The following NDC1 variants were observed in gnomAD, a reference collection of about 807,000 sequenced individuals.
The protein encoded by NDC1 is NDC1 transmembrane nucleoporin, also known as nucleoporin NDC1.
In NDC1, 24 loss-of-function variants were observed where a neutral mutation model predicts 89.8. The observed-to-expected ratio is 0.27, with a 90% CI of 0.19 to 0.38. The LOEUF is 0.38. Among genes scored for constraint, NDC1 ranks in the 10% least tolerant of loss-of-function variants. The probability of loss-of-function intolerance (pLI) is 1.00; values close to 1 mark genes in which losing one functional copy is unlikely to be tolerated. For synonymous variants in NDC1, 296 were observed against 284.8 expected (o/e 1.04, Z -0.39); for missense variants, 728 against 797.6 (o/e 0.91, Z 1.05).
chr1:53,833,997 G>A (rs1260453864), intron 2 of NDC1, among the ~76,000 whole-genome samples: 2 of 151,726 alleles, frequency 1.3e-5, no homozygotes, highest in Non-Finnish European at 2.9e-5. Flanking sequence ...CACCCAGGCT[G>A]GTCATAAACT....
At chr1:53,819,852 CA>C (rs1390573856) in intron 5 of NDC1, among the ~76,000 whole-genome samples, 1 of 152,018 alleles carries the variant, frequency 6.6e-6, no homozygotes, top group Non-Finnish European at 1.5e-5. Context: ...TGATCTAAGA[CA>C]GGGGTGCCTT....
intron 5 of NDC1, among the ~76,000 whole-genome samples, chr1:53,822,643 C>G (rs1648711833): frequency 6.6e-6 from 1 of 151,166 alleles, no homozygotes; most frequent in Admixed American, 6.6e-5. Context: ...ATGGGATGGT[C>G]AAGGAAACAT....
intron 13 of NDC1, among the ~76,000 whole-genome samples, chr1:53,794,725 A>G (rs973359031): frequency 6.6e-6 from 1 of 152,116 alleles, no homozygotes; most frequent in Non-Finnish European, 1.5e-5. Context: ...AATTAAAAAA[A>G]TTAGGCAGGC....
chr1:53,792,951 C>G (rs1344771694), intron 14 of NDC1, among the ~76,000 whole-genome samples: 1 of 152,236 alleles, frequency 6.6e-6, no homozygotes, highest in Non-Finnish European at 1.5e-5. Flanking sequence ...AAGATCCAGA[C>G]AGCAGGAAGG....
At chr1:53,835,682 T>A in intron 1 of NDC1, 62 bp from the exon 2 acceptor site, 1 of 1,440,142 alleles carries the variant, frequency 6.9e-7, no homozygotes, top group Non-Finnish European at 9.5e-7. Context: ...GTTATGCAAA[T>A]CCTATCTTTT....
chr1:53,828,321 G>C, intron 3 of NDC1, 148 bp from the exon 4 acceptor site: 1 of 688,696 alleles, frequency 1.5e-6, no homozygotes, highest in East Asian at 3.2e-5. Context: ...AAAATTTAAA[G>C]TTAAAAATTC....
chr1:53,806,310 G>A (rs1648106911), intron 9 of NDC1, 115 bp downstream of exon 9: 2 of 617,298 alleles, frequency 3.2e-6, no homozygotes, highest in Admixed American at 4.0e-5. Context: ...TATCATACCA[G>A]TACAAGAATA....
At chr1:53,801,635 T>G (rs1318361999) in intron 10 of NDC1, among the ~76,000 whole-genome samples, 2 of 152,146 alleles carry the variant, frequency 1.3e-5, no homozygotes, top group East Asian at 3.9e-4. Context: ...CTCCCCCCAT[T>G]GTAAAACTCA....
chr1:53,814,985 G>A (rs1648431575), intron 6 of NDC1, among the ~76,000 whole-genome samples: 1 of 152,068 alleles, frequency 6.6e-6, no homozygotes, highest in South Asian at 2.1e-4. Flanking sequence ...ACAAAAAAAA[G>A]TCCAGGACCA....
intron 3 of NDC1, among the ~76,000 whole-genome samples, chr1:53,828,524 T>C (rs903522523): frequency 3.9e-5 from 6 of 152,028 alleles, no homozygotes; most frequent in African/African-American, 1.4e-4. Flanking sequence ...TATGGACTAC[T>C]GTAATGGTCT....
rs559845576 is a variant in NDC1 at position 53,800,596 on chromosome 1, A to G, written c.1222+97T>C. On this transcript the variant is annotated intron_variant, in intron 11 of 17. Transcript: ENST00000371429. ...CACCTCGGCCTCCCAAAGTGCGGGGATAACAGGCGTGAGCCACAGCGCCCA... is the reference window on the plus strand; with the variant it reads ...CACCTCGGCCTCCCAAAGTGCGGGGGTAACAGGCGTGAGCCACAGCGCCCA... 7.5e-5 allele frequency: 103 copies of G among 1,366,548 alleles called. 1 individual carries two copies. In the South Asian group the frequency reaches 1.1e-3, roughly 14 times the overall value. 84.7% of individuals were successfully genotyped at this position (1,366,548 alleles called of 1,614,324 possible).
chr1:53,773,830 T>G (rs1393762252), intron 16 of NDC1, among the ~76,000 whole-genome samples: 2 of 152,180 alleles, frequency 1.3e-5, no homozygotes, highest in Admixed American at 6.5e-5. Flanking sequence ...TCCCCCAGAC[T>G]GGGTGTTCTA....
chr1:53,826,715 G>A (rs1443895113), intron 4 of NDC1, among the ~76,000 whole-genome samples: 1 of 152,104 alleles, frequency 6.6e-6, no homozygotes, highest in African/African-American at 2.4e-5. Flanking sequence ...GGGGTATACA[G>A]AGCCAACATC....
Position 53,788,688 on chromosome 1 carries a change from A to C in NDC1, c.1699+445T>G, listed in dbSNP as rs553969257. On this transcript the variant is annotated intron_variant, in intron 15 of 17. Coordinates refer to ENST00000371429, the MANE Select transcript of NDC1 (RefSeq NM_018087.5). The stretch of plus-strand genomic sequence containing the variant: ...GTGATCCACCTGCCTCTGCCTCCCA[A>C]AGTGCTGGGATTACAGGCGTGAGCC... Among the ~76,000 whole-genome samples, 88 of 151,962 alleles carry C rather than the reference A, an allele frequency of 5.8e-4. No individual in the cohort carries two copies. The South Asian group carries it at 7.5e-3, about 13-fold the overall frequency.
chr1:53,778,144 C>T (rs1647177024), intron 16 of NDC1, among the ~76,000 whole-genome samples: 1 of 151,810 alleles, frequency 6.6e-6, no homozygotes, highest in African/African-American at 2.4e-5. Context: ...CCCACTTTAC[C>T]CCACTTAATC....
At chr1:53,780,604 C>T (rs1295328828) in intron 16 of NDC1, among the ~76,000 whole-genome samples, 1 of 152,116 alleles carries the variant, frequency 6.6e-6, no homozygotes, top group Admixed American at 6.6e-5. Context: ...CAAAATTTGA[C>T]CTTCAAGTGA....
Position 53,807,665 on chromosome 1 carries a change from A to C in NDC1, c.882T>G (p.Tyr294Ter). 1.2e-6 allele frequency: 2 copies of C among 1,605,042 alleles called. No individual in the cohort carries two copies. Among genetic ancestry groups the C allele is most frequent in the Non-Finnish European group, 8.5e-7 (1 of 1,177,672 alleles). Residue 294 changes from tyrosine (Y) to a stop codon, truncating the protein, a stop_gained, in exon 8 of 18, where the codon TAT becomes TAG. Coordinates refer to ENST00000371429, the MANE Select transcript of NDC1 (RefSeq NM_018087.5). LOFTEE classifies it high-confidence loss of function. ...WYVSWILFKI[Y>*]ATEAHVFPVQ... is the part of the protein sequence containing the mutation. ...ATTTTAAAAAACATACCTCTGTGGCATAGATTTTGAAGAGTATCCATGAGA... is the reference window on the plus strand; with the variant it reads ...ATTTTAAAAAACATACCTCTGTGGCCTAGATTTTGAAGAGTATCCATGAGA...
intron 5 of NDC1, among the ~76,000 whole-genome samples, chr1:53,820,701 C>CTCTT (rs1418926672): frequency 1.3e-5 from 1 of 74,882 alleles, no homozygotes; most frequent in African/African-American, 5.6e-5. Flanking sequence ...ACTTCTCTCT[C>CTCTT]TTTTTTTTTT....
Position 53,838,227 on chromosome 1 carries a change from C to T in NDC1, c.35G>A (p.Arg12Lys), listed in dbSNP as rs1390027820. The change falls in exon 1 of 18, where the codon AGG (arginine) becomes AAG (lysine). Residue 12 changes from arginine (R) to lysine (K), a missense_variant. By Grantham distance (26) the Arg-to-Lys change is conservative. Transcript: ENST00000371429. The stretch of plus-strand genomic sequence containing the variant: ...CACGCGCCACAGTATGTCCCGCGAC[C>T]TGCCGGCGCAGGGCCGGCTCACGGC... ...ATAVSRPCAG[R>K]SRDILWRVLG... The T allele has an allele frequency of 6.5e-7, 1 of 1,536,448 alleles. No individual in the cohort carries two copies. Among genetic ancestry groups the T allele is most frequent in the South Asian group, 1.2e-5 (1 of 83,884 alleles).
Sources: gnomAD v4.1 joint callset for allele counts (sites outside exome capture counted in the v4.1 genomes callset) on GRCh38, gnomAD v4.1.1 for gene constraint, MANE v1.5 for transcripts, NCBI Gene and HGNC (gene_info 2026-07-23, HGNC 2026-07-21) for gene names.